LRCH1: variants seen among roughly 807,000 people sequenced by gnomAD.
LRCH1 encodes leucine-rich repeat and calponin homology domain-containing protein 1.
In LRCH1, 23 loss-of-function variants were observed where a neutral mutation model predicts 94.9. That is an observed-to-expected ratio of 0.24 (90% CI 0.17 to 0.34). The LOEUF is 0.34. LRCH1 is among the 10% of genes least tolerant of loss of function. The pLI is 1.00. For synonymous variants in LRCH1, 364 were observed against 354.9 expected, an observed-to-expected ratio of 1.03 and a Z score of -0.29; for missense variants, 790 against 945.9, an observed-to-expected ratio of 0.84 and a Z score of 2.16.
intron 13 of LRCH1, among the ~76,000 whole-genome samples, chr13:46,706,127 T>C (rs1233945494): frequency 9.2e-5 from 14 of 152,212 alleles, no homozygotes; most frequent in Admixed American, 9.2e-4. Context: ...GAAGTATTAA[T>C]GTAAAAGGGA....
chr13:46,586,280 A>G (rs997663296), intron 1 of LRCH1, among the ~76,000 whole-genome samples: 3 of 152,216 alleles, frequency 2.0e-5, no homozygotes, highest in Non-Finnish European at 2.9e-5. Flanking sequence ...TGAATTAAGC[A>G]TGATAGTTGT....
At chr13:46,681,604 C>T (rs2051751410) in intron 3 of LRCH1, 137 bp from the exon 4 acceptor site, 2 of 687,808 alleles carry the variant, frequency 2.9e-6, no homozygotes, top group Middle Eastern at 2.4e-4. Context: ...AGTCTTAATG[C>T]TAGGGACCTG....
chr13:46,646,742 A>G (rs1197822672), intron 1 of LRCH1, among the ~76,000 whole-genome samples: 1 of 152,198 alleles, frequency 6.6e-6, no homozygotes, highest in African/African-American at 2.4e-5. Flanking sequence ...TAATTTTAGC[A>G]TATTTATGAT....
intron 19 of LRCH1, among the ~76,000 whole-genome samples, chr13:46,736,391 T>C (rs1449428289): frequency 6.6e-6 from 1 of 152,132 alleles, no homozygotes; most frequent in Admixed American, 6.6e-5. Context: ...TGTTTTTACC[T>C]TAGGAATATG....
intron 3 of LRCH1, among the ~76,000 whole-genome samples, chr13:46,680,409 C>T (rs1398022496): frequency 6.6e-6 from 1 of 152,174 alleles, no homozygotes; most frequent in African/African-American, 2.4e-5. Context: ...GAGCAAATGA[C>T]TTACAGTGAC....
intron 10 of LRCH1, among the ~76,000 whole-genome samples, chr13:46,700,493 A>C: frequency 6.6e-6 from 1 of 151,866 alleles, no homozygotes; most frequent in South Asian, 2.1e-4. Context: ...TTGTTTTTAA[A>C]CTATATAACG....
chr13:46,624,728 G>C (rs558095838), intron 1 of LRCH1, among the ~76,000 whole-genome samples: 2 of 152,198 alleles, frequency 1.3e-5, no homozygotes, highest in Non-Finnish European at 2.9e-5. Flanking sequence ...AACAGAATCT[G>C]CTTTAGTAAG....
At chr13:46,752,501 T>A (rs1874182313) in exon 19 of LRCH1, 1 of 152,250 alleles carries the variant, frequency 6.6e-6, no homozygotes, top group African/African-American at 2.4e-5. Context: ...AGATGTACTG[T>A]GCACTTTAAC....
chr13:46,731,261 T>C (rs1356173432), intron 18 of LRCH1, among the ~76,000 whole-genome samples: 22 of 152,058 alleles, frequency 1.4e-4, no homozygotes, highest in Non-Finnish European at 2.9e-5. Flanking sequence ...TTTCTGGAGA[T>C]GGAGTCTCCT....
intron 2 of LRCH1, among the ~76,000 whole-genome samples, chr13:46,665,450 A>G (rs573333381): frequency 6.6e-6 from 1 of 152,342 alleles, no homozygotes; most frequent in South Asian, 2.1e-4. Flanking sequence ...TTAGGCTGCC[A>G]AGAATGTTTA....
chr13:46,636,415 C>A (rs528066906), intron 1 of LRCH1, among the ~76,000 whole-genome samples: 3 of 152,144 alleles, frequency 2.0e-5, no homozygotes, highest in African/African-American at 7.2e-5. Context: ...ATGTCAGGTA[C>A]ATTTACATTA....
At chr13:46,660,779 C>G (rs997303232) in intron 2 of LRCH1, among the ~76,000 whole-genome samples, 4 of 152,150 alleles carry the variant, frequency 2.6e-5, no homozygotes, top group African/African-American at 9.7e-5. Context: ...GACCTTATGC[C>G]TCTTGTGTCT....
chr13:46,562,634 A>G (rs1247182766), intron 1 of LRCH1, among the ~76,000 whole-genome samples: 1 of 152,152 alleles, frequency 6.6e-6, no homozygotes, highest in African/African-American at 2.4e-5. Context: ...TGGGGGTCAT[A>G]ATTCAGCCCA....
chr13:46,701,166 G>A lies in LRCH1; in HGVS notation c.1359G>A (p.Glu453=), dbSNP rs952649799. The A allele has an allele frequency of 6.2e-7, 1 of 1,613,802 alleles. No individual in the cohort carries two copies. The highest frequency in any genetic ancestry group is 8.5e-7 in the Non-Finnish European group (1 of 1,179,732). The change falls in exon 11 of 20, where the codon GAG becomes GAA. Residue 453 remains glutamate (E), a synonymous_variant. Coordinates refer to ENST00000389797, the MANE Select transcript of LRCH1 (RefSeq NM_001164211.2). ...AGGACATGGATATAGCAATGATCGA[G>A]CAGCTGAGAGAAGCAGTAGATTTGC... ...KDQDMDIAMI[E]QLREAVDLLQ...
chr13:46,620,088 A>G (rs556028530), intron 1 of LRCH1, among the ~76,000 whole-genome samples: 1 of 152,218 alleles, frequency 6.6e-6, no homozygotes, highest in Non-Finnish European at 1.5e-5. Context: ...GTGCATTTAC[A>G]CGTTTCCAAA....
At chr13:46,600,045 C>T (rs780243562) in intron 1 of LRCH1, among the ~76,000 whole-genome samples, 1 of 152,030 alleles carries the variant, frequency 6.6e-6, no homozygotes, top group Non-Finnish European at 1.5e-5. Context: ...AAAATAGCAC[C>T]CAGCTAATTT....
At chr13:46,681,317 G>T (rs759124175) in intron 3 of LRCH1, among the ~76,000 whole-genome samples, 10 of 152,196 alleles carry the variant, frequency 6.6e-5, no homozygotes, top group Non-Finnish European at 8.8e-5. Context: ...GTGGCTAAAC[G>T]GTGAGCTGGT....
chr13:46,702,666 A>G (rs1157982705), intron 11 of LRCH1, among the ~76,000 whole-genome samples: 5 of 152,204 alleles, frequency 3.3e-5, no homozygotes, highest in African/African-American at 9.7e-5. Context: ...TGGACCTTTA[A>G]TGACTGCCAA....
chr13:46,566,392 G>T (rs141017811), intron 1 of LRCH1, among the ~76,000 whole-genome samples: 1 of 152,178 alleles, frequency 6.6e-6, no homozygotes, highest in Non-Finnish European at 1.5e-5. Context: ...TAAGAACCTT[G>T]TCATAGCTTC....
Sources: gnomAD v4.1 joint callset for allele counts (sites outside exome capture counted in the v4.1 genomes callset) on GRCh38, gnomAD v4.1.1 for gene constraint, MANE v1.5 for transcripts, NCBI Gene and HGNC (gene_info 2026-07-23, HGNC 2026-07-21) for gene names.